LPP: variants seen among roughly 807,000 people sequenced by gnomAD.
LPP encodes the protein lipoma-preferred partner.
A neutral mutation model predicts 60.4 loss-of-function variants in LPP; 38 were observed. The observed-to-expected ratio is 0.63, with a 90% CI of 0.49 to 0.83. LPP has a LOEUF of 0.83. Ranked by LOEUF, LPP falls within the 40% of genes least tolerant of loss-of-function variation. The pLI is 0.00. For missense variants in LPP, 902 were observed against 783.6 expected, an observed-to-expected ratio of 1.15 and a Z score of -1.80; for synonymous variants, 328 against 290.8, an observed-to-expected ratio of 1.13 and a Z score of -1.30.
At chr3:188,681,970 C>G (rs141723835) in intron 7 of LPP, among the ~76,000 whole-genome samples, 26 of 152,298 alleles carry the variant, frequency 1.7e-4, no homozygotes, top group Non-Finnish European at 3.8e-4. Context: ...TGAACAGCAC[C>G]TTTCAAGGAG....
chr3:188,792,465 G>A (rs1744078134), intron 9 of LPP, among the ~76,000 whole-genome samples: 1 of 152,118 alleles, frequency 6.6e-6, no homozygotes, highest in East Asian at 1.9e-4. Flanking sequence ...TTCTGTTCAG[G>A]TCCCAGTAAA....
intron 4 of LPP, among the ~76,000 whole-genome samples, chr3:188,461,731 A>G (rs1279482925): frequency 6.6e-6 from 1 of 152,162 alleles, no homozygotes; most frequent in Non-Finnish European, 1.5e-5. Context: ...TATTGTCCAC[A>G]GATTTTTATA....
intron 8 of LPP, among the ~76,000 whole-genome samples, chr3:188,732,116 A>G (rs957509262): frequency 6.6e-6 from 1 of 152,228 alleles, no homozygotes; most frequent in Admixed American, 6.5e-5. Context: ...AGAAACTTTC[A>G]TGGAATACAC....
chr3:188,625,936 A>G (rs983751588), intron 7 of LPP, among the ~76,000 whole-genome samples: 1 of 152,178 alleles, frequency 6.6e-6, no homozygotes, highest in Non-Finnish European at 1.5e-5. Flanking sequence ...ATGTATGTGC[A>G]AAAATAAAGG....
chr3:188,695,017 T>A (rs1217187258), intron 7 of LPP, among the ~76,000 whole-genome samples: 1 of 152,204 alleles, frequency 6.6e-6, no homozygotes, highest in East Asian at 1.9e-4. Flanking sequence ...GATGACTGGA[T>A]TCAAATCCCA....
rs1035055088 is a variant in LPP at position 188,572,526 on chromosome 3, G to C, written c.430-36635G>C. On this transcript the variant is annotated intron_variant, in intron 6 of 11. Coordinates refer to ENST00000617246, the MANE Select transcript of LPP (RefSeq NM_001375462.1). The surrounding 1 kb of genome is among the most constrained non-coding windows in gnomAD (Gnocchi z 4.1). Reference sequence around the variant, plus strand: ...GTGCAATGAAAGAATATTTTGGATTGACCAAAAGTCTAGAGAACCTGATTT... The same window carrying C: ...GTGCAATGAAAGAATATTTTGGATTCACCAAAAGTCTAGAGAACCTGATTT... Among the ~76,000 whole-genome samples the C allele has an allele frequency of 1.1e-4, 16 of 152,118 alleles. No homozygotes were observed. The highest frequency in any genetic ancestry group is 9.2e-4 in the Admixed American group (14 of 15,268).
At chr3:188,204,707 G>T (rs931626801) in intron 1 of LPP, among the ~76,000 whole-genome samples, 1 of 152,074 alleles carries the variant, frequency 6.6e-6, no homozygotes, top group Non-Finnish European at 1.5e-5. Context: ...CCGCTTGGCT[G>T]GTTGATGTGG....
At chr3:188,335,007 C>T (rs918046931) in intron 2 of LPP, among the ~76,000 whole-genome samples, 9 of 152,070 alleles carry the variant, frequency 5.9e-5, no homozygotes, top group African/African-American at 2.2e-4. Context: ...GCTGTAAATA[C>T]GTGGATTTAT....
At chr3:188,770,065 G>T (rs962286903) in intron 9 of LPP, among the ~76,000 whole-genome samples, 4 of 151,086 alleles carry the variant, frequency 2.6e-5, no homozygotes, top group Non-Finnish European at 4.4e-5. Flanking sequence ...TAGGCTGAGT[G>T]AATTGTTGGC....
chr3:188,539,916 T>A (rs1197091801), intron 6 of LPP, among the ~76,000 whole-genome samples: 1 of 152,148 alleles, frequency 6.6e-6, no homozygotes, highest in Non-Finnish European at 1.5e-5. Flanking sequence ...GTTTTCTGTT[T>A]CCTCATATAA....
At chr3:188,665,457 C>CCT (rs1553786824) in intron 7 of LPP, among the ~76,000 whole-genome samples, 5 of 87,042 alleles carry the variant, frequency 5.7e-5, no homozygotes, top group African/African-American at 2.1e-4. Flanking sequence ...TCTTCTTCTT[C>CCT]TTCTTTTTTT....
chr3:188,298,482 C>T (rs939734377), intron 2 of LPP, among the ~76,000 whole-genome samples: 4 of 152,258 alleles, frequency 2.6e-5, no homozygotes, highest in African/African-American at 9.6e-5. Flanking sequence ...GTGGATAAGA[C>T]TCACTTAGGG....
chr3:188,853,843 CT>C (rs2151882047), intron 9 of LPP, among the ~76,000 whole-genome samples: 1 of 146,696 alleles, frequency 6.8e-6, no homozygotes, highest in African/African-American at 2.5e-5. Flanking sequence ...TTTTTTTTTC[CT>C]TTTCTTTTAC....
chr3:188,501,434 GA>G (rs1306925953), intron 5 of LPP, among the ~76,000 whole-genome samples: 1 of 152,088 alleles, frequency 6.6e-6, no homozygotes, highest in Non-Finnish European at 1.5e-5. Context: ...CCAACATAGT[GA>G]AACCCCATCT....
At chr3:188,827,068 T>C (rs1423898006) in intron 9 of LPP, among the ~76,000 whole-genome samples, 1 of 152,170 alleles carries the variant, frequency 6.6e-6, no homozygotes, top group African/African-American at 2.4e-5. Context: ...AAAAAGAGAC[T>C]GATTGTATAG....
intron 6 of LPP, among the ~76,000 whole-genome samples, chr3:188,537,688 A>G (rs1474337581): frequency 1.3e-5 from 2 of 152,224 alleles, no homozygotes; most frequent in East Asian, 1.9e-4. Context: ...AATTTGATAT[A>G]TAGATGCAAA....
chr3:188,639,190 A>G (rs1425877731), intron 7 of LPP, among the ~76,000 whole-genome samples: 9 of 152,190 alleles, frequency 5.9e-5, no homozygotes, highest in African/African-American at 4.8e-5. Flanking sequence ...GGAACAGAAC[A>G]GAGTCCTCAG....
rs28704703 is a variant in LPP at position 188,248,285 on chromosome 3, C to A, written c.-67+22758C>A. On this transcript the variant is annotated intron_variant, in intron 2 of 11. Transcript: ENST00000617246. ...GGGTTAGCGTTTTTTTGCATTGGGA[C>A]CTGCCTTCTTTTTATGCTTCTAGGA... Among the ~76,000 whole-genome samples, 466 of 151,560 alleles carry A rather than the reference C, an allele frequency of 3.1e-3. 6 individuals carry two copies. Among genetic ancestry groups the A allele is most frequent in the African/African-American group, 0.01 (419 of 41,132 alleles).
intron 2 of LPP, among the ~76,000 whole-genome samples, chr3:188,245,206 G>A (rs575026117): frequency 2.0e-5 from 3 of 151,950 alleles, no homozygotes; most frequent in Admixed American, 6.6e-5. Flanking sequence ...TCTGCCTCCC[G>A]GGTTCAAGCA....
Sources: gnomAD v4.1 joint callset for allele counts (sites outside exome capture counted in the v4.1 genomes callset) on GRCh38, gnomAD v4.1.1 for gene constraint, Gnocchi (gnomAD v3.1) non-coding constraint, MANE v1.5 for transcripts, NCBI Gene and HGNC (gene_info 2026-07-23, HGNC 2026-07-21) for gene names.